Variants in KCNIP4 observed in about 807,000 individuals in gnomAD.
The protein encoded by KCNIP4 is Kv channel-interacting protein 4.
A neutral mutation model predicts 34.0 loss-of-function variants in KCNIP4; 12 were observed. That is an observed-to-expected ratio of 0.35 (90% CI 0.23 to 0.57). The LOEUF is 0.57. KCNIP4 is among the 20% of genes least tolerant of loss of function. KCNIP4 has a pLI of 0.83. For synonymous variants in KCNIP4, 124 were observed against 102.2 expected, an observed-to-expected ratio of 1.21 and a Z score of -1.29; for missense variants, 238 against 311.7, an observed-to-expected ratio of 0.76 and a Z score of 1.78.
chr4:20,805,161 A>G (rs1283931825), intron 3 of KCNIP4, among the ~76,000 whole-genome samples: 1 of 149,296 alleles, frequency 6.7e-6, no homozygotes, highest in Non-Finnish European at 1.5e-5. Context: ...GGAAAATACT[A>G]AGCAGAAAAT....
chr4:21,377,075 T>A (rs934329461), intron 1 of KCNIP4, among the ~76,000 whole-genome samples: 1 of 152,212 alleles, frequency 6.6e-6, no homozygotes, highest in African/African-American at 2.4e-5. Context: ...CATTTTTACA[T>A]TTGTCTTCTC....
intron 1 of KCNIP4, among the ~76,000 whole-genome samples, chr4:21,519,013 C>T (rs1458949141): frequency 6.6e-6 from 1 of 152,090 alleles, no homozygotes; most frequent in African/African-American, 2.4e-5. Context: ...ATTTATCCCA[C>T]TGAGCAAACC....
At chr4:21,171,769 CAT>C (rs1390770267) in intron 1 of KCNIP4, among the ~76,000 whole-genome samples, 1 of 152,078 alleles carries the variant, frequency 6.6e-6, no homozygotes. Context: ...AATGTAGTGA[CAT>C]GTGTGTGAGA....
At position 21,459,923 on chromosome 4, in the gene KCNIP4, T is replaced by C. The variant is rs180918734; in HGVS notation, c.61+488648A>G. Among the ~76,000 whole-genome samples the C allele has an allele frequency of 9.3e-3, 1,409 of 151,950 alleles. 13 individuals are homozygous for C. Among genetic ancestry groups the C allele is most frequent in the Non-Finnish European group, 0.015 (1,015 of 67,954 alleles). ...TAAATTATTGCAATATCTTTCCAGG[T>C]GGTCTCCCTGGAAAGTCACAACCTT... On this transcript the variant is annotated intron_variant, in intron 1 of 8. Transcript: ENST00000382152.
chr4:21,168,824 A>G (rs999603498), intron 1 of KCNIP4, among the ~76,000 whole-genome samples: 1 of 152,152 alleles, frequency 6.6e-6, no homozygotes, highest in Non-Finnish European at 1.5e-5. Flanking sequence ...TCTCTACACT[A>G]TCTTCTTTAA....
At chr4:21,422,412 G>C (rs944056828) in intron 1 of KCNIP4, among the ~76,000 whole-genome samples, 2 of 152,004 alleles carry the variant, frequency 1.3e-5, no homozygotes, top group Admixed American at 1.3e-4. Context: ...TGTTGGCCAG[G>C]CTGGTCTCCA....
At chr4:21,419,343 TA>T (rs1481113925) in intron 1 of KCNIP4, among the ~76,000 whole-genome samples, 2 of 152,118 alleles carry the variant, frequency 1.3e-5, no homozygotes, top group Non-Finnish European at 2.9e-5. Context: ...ATGTGATATA[TA>T]CACCAGGAAA....
chr4:21,505,309 T>C (rs1483837710), intron 1 of KCNIP4, among the ~76,000 whole-genome samples: 4 of 151,948 alleles, frequency 2.6e-5, no homozygotes, highest in African/African-American at 4.8e-5. Context: ...TCAGAACTTA[T>C]CAGCTCTCAT....
intron 3 of KCNIP4, among the ~76,000 whole-genome samples, chr4:20,826,034 G>T (rs1381778444): frequency 6.6e-6 from 1 of 151,824 alleles, no homozygotes; most frequent in Non-Finnish European, 1.5e-5. Context: ...TTCAGAACAG[G>T]TTCAGTGGAA....
intron 1 of KCNIP4, among the ~76,000 whole-genome samples, chr4:21,552,659 G>C (rs1452690512): frequency 6.6e-6 from 1 of 152,122 alleles, no homozygotes; most frequent in Non-Finnish European, 1.5e-5. Context: ...AGGTTGAGGA[G>C]GATGTAGAGA....
chr4:21,862,066 T>C (rs1725108061), intron 1 of KCNIP4, among the ~76,000 whole-genome samples: 1 of 152,118 alleles, frequency 6.6e-6, no homozygotes, highest in African/African-American at 2.4e-5. Flanking sequence ...CTCTGAAGTC[T>C]CCTCCCCAAG....
At chr4:20,984,153 C>T (rs1736355977) in intron 1 of KCNIP4, 4 of 584,768 alleles carry the variant, frequency 6.8e-6, no homozygotes, top group Admixed American at 3.3e-5. Context: ...CGGGGCTTCC[C>T]CCCTGCTACC....
chr4:21,612,450 G>T (rs1476782778), intron 1 of KCNIP4, among the ~76,000 whole-genome samples: 1 of 152,132 alleles, frequency 6.6e-6, no homozygotes, highest in Non-Finnish European at 1.5e-5. Context: ...CATCTCAAAA[G>T]AAATTGCACT....
At chr4:21,876,116 T>G (rs1236253501) in intron 1 of KCNIP4, among the ~76,000 whole-genome samples, 1 of 152,090 alleles carries the variant, frequency 6.6e-6, no homozygotes, top group Non-Finnish European at 1.5e-5. Context: ...TTAATCATAT[T>G]GAAAAAAGCT....
chr4:21,622,997 G>GTT (rs1745092098), intron 1 of KCNIP4, among the ~76,000 whole-genome samples: 1 of 152,092 alleles, frequency 6.6e-6, no homozygotes, highest in Non-Finnish European at 1.5e-5. Flanking sequence ...TCAATATGAT[G>GTT]GAGCTTATGA....
chr4:21,865,785 T>A (rs139547789), intron 1 of KCNIP4, among the ~76,000 whole-genome samples: 12 of 151,922 alleles, frequency 7.9e-5, no homozygotes, highest in Admixed American at 7.9e-4. Context: ...TCAGGTGATC[T>A]ACCTGCCTTG....
intron 1 of KCNIP4, among the ~76,000 whole-genome samples, chr4:21,643,885 T>TAGAG (rs1461781606): frequency 7.3e-6 from 1 of 136,116 alleles, no homozygotes; most frequent in Non-Finnish European, 1.5e-5. Context: ...GATAGATAGA[T>TAGAG]AGATAGATAG....
chr4:20,913,361 A>G (rs6843757), intron 1 of KCNIP4, among the ~76,000 whole-genome samples: 119,661 of 152,102 alleles, frequency 0.79, 47,480 homozygotes, highest in East Asian at 0.84. Context: ...AAGCTGATGA[A>G]TGTTAGCCAG....
chr4:21,216,717 A>C (rs1757605819), intron 1 of KCNIP4, among the ~76,000 whole-genome samples: 1 of 152,134 alleles, frequency 6.6e-6, no homozygotes, highest in African/African-American at 2.4e-5. Context: ...TCACCATGCT[A>C]TCTAGTGGTG....
Sources: gnomAD v4.1 joint callset for allele counts (sites outside exome capture counted in the v4.1 genomes callset) on GRCh38, gnomAD v4.1.1 for gene constraint, MANE v1.5 for transcripts, NCBI Gene and HGNC (gene_info 2026-07-23, HGNC 2026-07-21) for gene names.